Variants in ZSWIM6 observed in about 807,000 individuals in gnomAD.
ZSWIM6 encodes zinc finger SWIM-type containing 6.
ZSWIM6 carries 9 observed loss-of-function variants against 113.2 expected under a neutral mutation model. That is an observed-to-expected ratio of 0.08 (90% confidence interval 0.05 to 0.14). The LOEUF (loss-of-function observed/expected upper bound fraction) is 0.14. ZSWIM6 is among the 10% of genes least tolerant of loss of function. The pLI, the probability that ZSWIM6 is intolerant of heterozygous loss-of-function variation, is 1.00. For missense variants in ZSWIM6, 1,162 were observed against 1,552.2 expected (o/e 0.75, Z 4.22); for synonymous variants, 611 against 606.5 (o/e 1.01, Z -0.11).
chr5:61,507,319 A>G (rs1342313049), intron 4 of ZSWIM6, among the ~76,000 whole-genome samples: 1 of 152,208 alleles, frequency 6.6e-6, no homozygotes, highest in Non-Finnish European at 1.5e-5. Flanking sequence ...TTAACAAAAA[A>G]ACCATGAAGG....
intron 2 of ZSWIM6, among the ~76,000 whole-genome samples, chr5:61,484,987 A>T (rs1347022819): frequency 6.6e-6 from 1 of 152,206 alleles, no homozygotes; most frequent in African/African-American, 2.4e-5. Flanking sequence ...GGAGAAAATG[A>T]GATAATGTTT....
chr5:61,525,670 C>T, intron 5 of ZSWIM6, 130 bp from the exon 6 acceptor site: 1 of 1,056,936 alleles, frequency 9.5e-7, no homozygotes, highest in Non-Finnish European at 1.4e-6. Context: ...CACCCTTCAC[C>T]CTTCTGCTTA....
chr5:61,356,740 T>A (rs11951757), intron 1 of ZSWIM6, among the ~76,000 whole-genome samples: 45,383 of 102,560 alleles, frequency 0.44, 8,203 homozygotes, highest in South Asian at 0.55. Context: ...TAATATATAT[T>A]ATATATATAT....
intron 7 of ZSWIM6, 128 bp downstream of exon 7, chr5:61,526,524 T>G: frequency 9.0e-7 from 1 of 1,109,822 alleles, no homozygotes; most frequent in Non-Finnish European, 1.3e-6. Context: ...GCCATTCATT[T>G]AAAATAATGG....
chr5:61,387,309 C>G (rs568865271), intron 1 of ZSWIM6, among the ~76,000 whole-genome samples: 2 of 152,314 alleles, frequency 1.3e-5, no homozygotes, highest in East Asian at 1.9e-4. Flanking sequence ...ATGAAACTTA[C>G]GATTATTTTA....
At chr5:61,464,600 G>A (rs1033171224) in intron 1 of ZSWIM6, among the ~76,000 whole-genome samples, 23 of 152,080 alleles carry the variant, frequency 1.5e-4, no homozygotes, top group Non-Finnish European at 1.0e-4. Context: ...ACTCATGTTG[G>A]GGTGAGGGAT....
At chr5:61,520,670 G>T (rs567233537) in intron 4 of ZSWIM6, among the ~76,000 whole-genome samples, 10 of 151,988 alleles carry the variant, frequency 6.6e-5, no homozygotes, top group Non-Finnish European at 1.3e-4. Flanking sequence ...TTTACTGACG[G>T]ATAAATATGC....
intron 1 of ZSWIM6, among the ~76,000 whole-genome samples, chr5:61,340,290 G>A (rs1002593921): frequency 4.6e-5 from 7 of 152,108 alleles, no homozygotes; most frequent in Non-Finnish European, 7.3e-5. Flanking sequence ...AATGTTTTAT[G>A]TCTGCGGAAT....
intron 4 of ZSWIM6, among the ~76,000 whole-genome samples, chr5:61,504,802 A>G (rs1342641992): frequency 6.6e-6 from 1 of 152,146 alleles, no homozygotes; most frequent in East Asian, 1.9e-4. Flanking sequence ...GTAAATATGG[A>G]TGGTGGACAG....
chr5:61,527,823 A>G (rs1201824730), intron 7 of ZSWIM6, among the ~76,000 whole-genome samples: 2 of 152,196 alleles, frequency 1.3e-5, no homozygotes, highest in Non-Finnish European at 2.9e-5. Context: ...TGACTTTTAA[A>G]ATTTGTTTAA....
intron 4 of ZSWIM6, among the ~76,000 whole-genome samples, chr5:61,515,577 C>T (rs578101835): frequency 6.6e-6 from 1 of 152,278 alleles, no homozygotes; most frequent in South Asian, 2.1e-4. Flanking sequence ...TTAATCCATT[C>T]ATGAGAGCAC....
chr5:61,457,205 A>G (rs1747221690), intron 1 of ZSWIM6, among the ~76,000 whole-genome samples: 2 of 152,320 alleles, frequency 1.3e-5, no homozygotes, highest in South Asian at 4.1e-4. Flanking sequence ...TAGAGAAAAG[A>G]AGCAAATTCA....
intron 1 of ZSWIM6, among the ~76,000 whole-genome samples, chr5:61,453,131 A>G (rs1747120143): frequency 6.6e-6 from 1 of 152,180 alleles, no homozygotes; most frequent in Admixed American, 6.5e-5. Context: ...TTAAGATGAT[A>G]TCTGCCAAGT....
chr5:61,529,602 T>A (rs966987275), intron 7 of ZSWIM6, among the ~76,000 whole-genome samples: 1 of 152,224 alleles, frequency 6.6e-6, no homozygotes, highest in Non-Finnish European at 1.5e-5. Context: ...CTCTTCTGCA[T>A]ATCGTGGTAG....
chr5:61,492,686 G>C (rs952389922), intron 3 of ZSWIM6, among the ~76,000 whole-genome samples: 28 of 151,988 alleles, frequency 1.8e-4, no homozygotes, highest in African/African-American at 6.5e-4. Flanking sequence ...CTCCTTTATA[G>C]GAATACTGAA....
intron 7 of ZSWIM6, among the ~76,000 whole-genome samples, chr5:61,527,398 T>C (rs1255939028): frequency 6.6e-6 from 1 of 152,212 alleles, no homozygotes; most frequent in African/African-American, 2.4e-5. Context: ...ATACACATAC[T>C]AGAGTATAAC....
intron 1 of ZSWIM6, among the ~76,000 whole-genome samples, chr5:61,429,229 G>A (rs1746528906): frequency 6.6e-6 from 1 of 152,212 alleles, no homozygotes; most frequent in African/African-American, 2.4e-5. Context: ...GTTACAGAGA[G>A]AATGATGGTG....
intron 3 of ZSWIM6, among the ~76,000 whole-genome samples, chr5:61,493,649 T>G (rs908949408): frequency 1.3e-5 from 2 of 152,144 alleles, no homozygotes; most frequent in Admixed American, 6.6e-5. Flanking sequence ...GCTAGCAAAC[T>G]TATGGCATCT....
chr5:61,386,322 TTC>T (rs1329994991), intron 1 of ZSWIM6, among the ~76,000 whole-genome samples: 1 of 152,232 alleles, frequency 6.6e-6, no homozygotes, highest in African/African-American at 2.4e-5. Flanking sequence ...GTTAGTTTTT[TTC>T]TCTCTCTGTT....
Sources: gnomAD v4.1 joint callset for allele counts (sites outside exome capture counted in the v4.1 genomes callset) on GRCh38, gnomAD v4.1.1 for gene constraint, MANE v1.5 for transcripts, NCBI Gene and HGNC (gene_info 2026-07-23, HGNC 2026-07-21) for gene names.